PDE1A: variants seen among roughly 807,000 people sequenced by gnomAD.
PDE1A encodes dual specificity calcium/calmodulin-dependent 3',5'-cyclic nucleotide phosphodiesterase 1A.
In PDE1A, 35 loss-of-function variants were observed where a neutral mutation model predicts 61.7. The ratio of observed to expected loss-of-function variants is 0.57; its 90% CI spans 0.43 to 0.75. PDE1A has a LOEUF of 0.75. Among genes scored for constraint, PDE1A ranks in the 30% least tolerant of loss-of-function variants. The pLI is 0.00. For missense variants in PDE1A, 597 were observed against 630.6 expected (o/e 0.95, Z 0.57); for synonymous variants, 232 against 213.2 (o/e 1.09, Z -0.77).
At chr2:182,662,832 G>A in the PDE1A span, among the ~76,000 whole-genome samples, 1 of 152,094 alleles carries the variant, frequency 6.6e-6, no homozygotes, top group African/African-American at 2.4e-5. Context: ...TGACAAATAG[G>A]ATCTAATTAA....
At chr2:182,673,915 C>G in the PDE1A span, among the ~76,000 whole-genome samples, 1 of 149,860 alleles carries the variant, frequency 6.7e-6, no homozygotes, top group African/African-American at 2.5e-5. Context: ...AGCCATAAAA[C>G]TAGGGAGAAC....
the PDE1A span, among the ~76,000 whole-genome samples, chr2:182,679,490 C>A: frequency 6.6e-6 from 1 of 151,536 alleles, no homozygotes; most frequent in Non-Finnish European, 1.5e-5. Flanking sequence ...CGTGAGCCAC[C>A]GCACCGGGCT....
chr2:182,293,000 T>C (rs1245818996), intron 1 of PDE1A, among the ~76,000 whole-genome samples: 1 of 152,146 alleles, frequency 6.6e-6, no homozygotes, highest in Non-Finnish European at 1.5e-5. Context: ...AGGTATAATT[T>C]ACCTACAGTG....
the PDE1A span, among the ~76,000 whole-genome samples, chr2:182,624,296 T>C: frequency 6.6e-6 from 1 of 152,152 alleles, no homozygotes; most frequent in Non-Finnish European, 1.5e-5. Flanking sequence ...AAGGCACAGG[T>C]GGGCACCTCT....
At chr2:182,345,834 G>A (rs1015738954) in intron 1 of PDE1A, among the ~76,000 whole-genome samples, 3 of 152,138 alleles carry the variant, frequency 2.0e-5, no homozygotes, top group Admixed American at 6.6e-5. Flanking sequence ...TCCCCTCCCC[G>A]TGATTGCCTT....
intron 1 of PDE1A, among the ~76,000 whole-genome samples, chr2:182,320,427 C>T (rs915679172): frequency 2.0e-5 from 3 of 152,106 alleles, no homozygotes; most frequent in Non-Finnish European, 1.5e-5. Context: ...GAGAAAAATA[C>T]AGCTTCACAT....
chr2:182,215,685 C>T (rs796510723), intron 7 of PDE1A, among the ~76,000 whole-genome samples: 72 of 118,088 alleles, frequency 6.1e-4, no homozygotes, highest in African/African-American at 1.5e-3. Context: ...ATAAATTCCT[C>T]GACACATACA....
the PDE1A span, among the ~76,000 whole-genome samples, chr2:182,531,884 T>C: frequency 6.6e-6 from 1 of 152,112 alleles, no homozygotes; most frequent in Non-Finnish European, 1.5e-5. Context: ...CGGTGTGTAA[T>C]GTTCCCCGCC....
chr2:182,326,165 G>C (rs531469032), intron 1 of PDE1A, among the ~76,000 whole-genome samples: 4 of 152,150 alleles, frequency 2.6e-5, no homozygotes, highest in Non-Finnish European at 4.4e-5. Flanking sequence ...AAGATGCAGA[G>C]AAATTGGAAC....
At chr2:182,550,679 T>C in the PDE1A span, among the ~76,000 whole-genome samples, 1 of 152,204 alleles carries the variant, frequency 6.6e-6, no homozygotes, top group Non-Finnish European at 1.5e-5. Context: ...ATAGTTTTCA[T>C]GCCTTAACAA....
chr2:182,184,064 A>G (rs531470888), intron 13 of PDE1A, among the ~76,000 whole-genome samples: 1 of 151,846 alleles, frequency 6.6e-6, no homozygotes, highest in South Asian at 2.1e-4. Flanking sequence ...GAACAATTAA[A>G]GAAATTGACA....
At chr2:182,259,909 T>C (rs1692103683) in intron 2 of PDE1A, among the ~76,000 whole-genome samples, 1 of 152,182 alleles carries the variant, frequency 6.6e-6, no homozygotes, top group African/African-American at 2.4e-5. Flanking sequence ...GGATTAAAAC[T>C]TTGTAAGTTT....
chr2:182,236,670 A>G lies in PDE1A; in HGVS notation c.351-2172T>C, dbSNP rs540968338. 5.3e-5 allele frequency among the ~76,000 whole-genome samples: 8 copies of G among 152,290 alleles called. No individual in the cohort carries two copies. The East Asian group carries it at 1.3e-3, about 26-fold the overall frequency. On this transcript the variant is annotated intron_variant, in intron 3 of 13. Coordinates refer to ENST00000351439, the Ensembl canonical transcript of PDE1A. ...TGTGTAAATGATTCTCAGTACAAGT[A>G]AGCCATCATTTTTATTATTATTTTA...
intron 2 of PDE1A, chr2:182,242,030 G>T: frequency 7.4e-7 from 1 of 1,356,880 alleles, no homozygotes; most frequent in South Asian, 2.0e-5. Context: ...ATCAGATACA[G>T]TGTAGGTAGA....
At chr2:182,469,510 T>C (rs1384563088) in intron 2 of PDE1A, among the ~76,000 whole-genome samples, 1 of 151,992 alleles carries the variant, frequency 6.6e-6, no homozygotes, top group East Asian at 1.9e-4. Context: ...TGTGGCTGGT[T>C]TGATCAACTA....
At chr2:182,184,307 CAAAAT>C (rs528454185) in intron 13 of PDE1A, among the ~76,000 whole-genome samples, 431 of 150,090 alleles carry the variant, frequency 2.9e-3, no homozygotes, top group Non-Finnish European at 4.9e-3. Flanking sequence ...TGCTGAAAGT[CAAAAT>C]AAAGTCTAGA....
At chr2:182,208,349 A>G (rs1011846936) in intron 7 of PDE1A, among the ~76,000 whole-genome samples, 1 of 152,182 alleles carries the variant, frequency 6.6e-6, no homozygotes, top group African/African-American at 2.4e-5. Context: ...AAATGGCAGC[A>G]GGAGAGAGAG....
At chr2:182,525,743 T>C (rs1373629491), upstream of PDE1A, among the ~76,000 whole-genome samples, 2 of 152,180 alleles carry the variant, frequency 1.3e-5, no homozygotes, top group East Asian at 3.8e-4. Context: ...AATGTAAGAA[T>C]GACTAATACA....
At chr2:182,455,230 T>C (rs1409617744) in intron 2 of PDE1A, among the ~76,000 whole-genome samples, 1 of 152,142 alleles carries the variant, frequency 6.6e-6, no homozygotes, top group Non-Finnish European at 1.5e-5. Context: ...CCAGTTAGAA[T>C]GGTGATCACT....
Sources: gnomAD v4.1 joint callset for allele counts (sites outside exome capture counted in the v4.1 genomes callset) on GRCh38, gnomAD v4.1.1 for gene constraint, MANE v1.5 for transcripts, NCBI Gene and HGNC (gene_info 2026-07-23, HGNC 2026-07-21) for gene names.